TMEM229B: variants seen among roughly 807,000 people sequenced by gnomAD.
TMEM229B encodes the protein chromosome 14 open reading frame 83.
TMEM229B carries 6 observed loss-of-function variants against 13.7 expected under a neutral mutation model. The ratio of observed to expected loss-of-function variants is 0.44; its 90% confidence interval spans 0.24 to 0.86. The LOEUF is 0.86. Among genes scored for constraint, TMEM229B ranks in the 40% least tolerant of loss-of-function variants. The pLI, the probability that TMEM229B is intolerant of heterozygous loss-of-function variation, is 0.23. For missense variants in TMEM229B, 170 were observed against 236.0 expected, an observed-to-expected ratio of 0.72 and a Z score of 1.83; for synonymous variants, 107 against 102.1, an observed-to-expected ratio of 1.05 and a Z score of -0.29.
intron 2 of TMEM229B, among the ~76,000 whole-genome samples, chr14:67,475,290 T>C (rs1220129484): frequency 6.6e-6 from 1 of 152,250 alleles, no homozygotes. Context: ...CATTCATCCA[T>C]TGATGGACAC....
chr14:67,478,875 C>A (rs1326022766), intron 2 of TMEM229B, among the ~76,000 whole-genome samples: 3 of 152,096 alleles, frequency 2.0e-5, no homozygotes, highest in Admixed American at 6.6e-5. Flanking sequence ...GCACCAGCAG[C>A]CTCCTGAGGA....
upstream of TMEM229B, among the ~76,000 whole-genome samples, chr14:67,492,170 G>T (rs1013699893): frequency 1.3e-5 from 2 of 151,576 alleles, no homozygotes; most frequent in Non-Finnish European, 2.9e-5. Context: ...CAACTCCATC[G>T]CCTTGGAGGG....
intron 1 of TMEM229B, among the ~76,000 whole-genome samples, chr14:67,507,461 C>T (rs2032868376): frequency 6.6e-6 from 1 of 152,058 alleles, no homozygotes; most frequent in African/African-American, 2.4e-5. Context: ...GAAGCAGACC[C>T]TGGAGTCCCC....
intron 1 of TMEM229B, among the ~76,000 whole-genome samples, chr14:67,497,416 C>T (rs559074036): frequency 1.3e-4 from 20 of 152,050 alleles, no homozygotes; most frequent in African/African-American, 3.1e-4. Flanking sequence ...CTTCCAGTGC[C>T]GGGATGAGGA....
intron 1 of TMEM229B, among the ~76,000 whole-genome samples, chr14:67,496,303 G>A (rs2032362283): frequency 6.6e-6 from 1 of 151,086 alleles, no homozygotes; most frequent in Non-Finnish European, 1.5e-5. Context: ...ATGTTGCCCA[G>A]GCTGGTCTCA....
At chr14:67,493,284 G>A (rs750241640), upstream of TMEM229B, among the ~76,000 whole-genome samples, 15 of 152,046 alleles carry the variant, frequency 9.9e-5, no homozygotes, top group Non-Finnish European at 1.5e-4. Context: ...ACCCAAACAC[G>A]CCCAAGCATA....
rs2033027676 is a variant in TMEM229B, at chr14:67,511,573, C to T, written c.-192+3513G>A. On this transcript the variant is annotated intron_variant, in intron 1 of 2. Transcript: ENST00000357461. Reference sequence around the variant, plus strand: ...AAAGGATGGTGAAAAGCTGGATGTTCAAAAACATGAATTGTCAATGACTTT... The same window carrying T: ...AAAGGATGGTGAAAAGCTGGATGTTTAAAAACATGAATTGTCAATGACTTT... Among the ~76,000 whole-genome samples, 6 of 152,262 alleles carry T rather than the reference C, an allele frequency of 3.9e-5. No homozygotes were observed. In the South Asian group the frequency reaches 1.2e-3, roughly 32 times the overall value.
At chr14:67,514,871 C>T (rs2273598) in intron 1 of TMEM229B, among the ~76,000 whole-genome samples, 124,715 of 152,118 alleles carry the variant, frequency 0.82, 51,713 homozygotes, top group Non-Finnish European at 0.89. Flanking sequence ...GGGCGCACCA[C>T]CTATCTAATC....
At chr14:67,477,122 C>T (rs1301320797) in intron 2 of TMEM229B, among the ~76,000 whole-genome samples, 1 of 150,496 alleles carries the variant, frequency 6.6e-6, no homozygotes, top group Non-Finnish European at 1.5e-5. Context: ...GTCGCGATCG[C>T]ACCATTGCAC....
At chr14:67,476,951 C>A (rs998374984) in intron 2 of TMEM229B, among the ~76,000 whole-genome samples, 4 of 152,092 alleles carry the variant, frequency 2.6e-5, no homozygotes, top group Admixed American at 6.6e-5. Context: ...AATGATGAAA[C>A]CCTGTCTCTA....
intron 1 of TMEM229B, among the ~76,000 whole-genome samples, chr14:67,525,325 A>C (rs576357946): frequency 6.6e-6 from 1 of 152,328 alleles, no homozygotes; most frequent in South Asian, 2.1e-4. Context: ...TTAAGTAATG[A>C]ATATCTTTCC....
upstream of TMEM229B, among the ~76,000 whole-genome samples, chr14:67,491,761 A>C (rs1228145486): frequency 6.6e-6 from 1 of 152,208 alleles, no homozygotes; most frequent in Non-Finnish European, 1.5e-5. Context: ...CCCTGAGCAC[A>C]AATGGATCTG....
intron 2 of TMEM229B, among the ~76,000 whole-genome samples, chr14:67,476,556 C>G (rs2031212333): frequency 6.6e-6 from 1 of 152,066 alleles, no homozygotes; most frequent in Admixed American, 6.5e-5. Flanking sequence ...CACTGCACTC[C>G]AGCCTGGGCA....
rs757183130 is a variant in TMEM229B at position 67,508,753 on chromosome 14, C to CAAAAAAAAAAAAAAAAAAAAAAAA, written c.-192+6332_-192+6333insTTTTTTTTTTTTTTTTTTTTTTTT. Among the ~76,000 whole-genome samples, 55 of 46,618 alleles carry CAAAAAAAAAAAAAAAAAAAAAAAA rather than the reference C, an allele frequency of 1.2e-3. 2 individuals are homozygous for CAAAAAAAAAAAAAAAAAAAAAAAA. Among genetic ancestry groups the CAAAAAAAAAAAAAAAAAAAAAAAA allele is most frequent in the Non-Finnish European group, 1.7e-3 (37 of 21,276 alleles). 30.6% of individuals were successfully genotyped at this position (46,618 alleles called of 152,430 possible). A position where few individuals can be genotyped will look rare whatever the true frequency, so the allele number is the denominator to read the frequency against. On this transcript the variant is annotated intron_variant, in intron 1 of 2. Transcript: ENST00000357461. Reference sequence around the variant, plus strand: ...TGGGTGACAGAGCAAAACCTTGTCTCAAAAAAAAAAAAAAAAAACAGAAGA... The same window carrying CAAAAAAAAAAAAAAAAAAAAAAAA: ...TGGGTGACAGAGCAAAACCTTGTCTCAAAAAAAAAAAAAAAAAAAAAAAAAAAAAAAAAAAAAAAAAACAGAAGA...
rs2030874960 is a variant in TMEM229B at position 67,473,130 on chromosome 14, T to C, written c.*290A>G. ...CCTGCTGCTTCCAAAGTCAACTACA[T>C]AGTCCATCGCTGCTCAGCCACAGGC... On this transcript the variant is annotated 3_prime_UTR_variant, in exon 3 of 3. Coordinates refer to ENST00000554480, the MANE Select transcript of TMEM229B (RefSeq NM_001348543.2). This position sits in a 1 kb window ranked among gnomAD's most constrained non-coding sequence, Gnocchi z 6.5. The C allele has an allele frequency of 4.7e-6, 2 of 429,074 alleles. No homozygotes were observed. The highest frequency in any genetic ancestry group is 2.5e-5 in the South Asian group (1 of 39,356). 26.6% of individuals were successfully genotyped at this position (429,074 alleles called of 1,614,324 possible). A position where few individuals can be genotyped will look rare whatever the true frequency, so the allele number is the denominator to read the frequency against.
chr14:67,494,331 G>A (rs1371357357), intron 1 of TMEM229B, among the ~76,000 whole-genome samples: 1 of 152,234 alleles, frequency 6.6e-6, no homozygotes, highest in Non-Finnish European at 1.5e-5. Context: ...ACCAGCCTGA[G>A]AAAGGCCGAG....
chr14:67,505,554 T>G (rs1341385044), intron 1 of TMEM229B, among the ~76,000 whole-genome samples: 1 of 152,116 alleles, frequency 6.6e-6, no homozygotes, highest in Non-Finnish European at 1.5e-5. Context: ...GTGGGCCACA[T>G]GCACTAATGT....
chr14:67,500,324 A>C (rs574576035), intron 1 of TMEM229B, among the ~76,000 whole-genome samples: 12 of 152,010 alleles, frequency 7.9e-5, no homozygotes, highest in African/African-American at 2.9e-4. Flanking sequence ...AAATACAAAA[A>C]TTAGCTGGGC....
intron 2 of TMEM229B, among the ~76,000 whole-genome samples, chr14:67,476,848 GGGCACAGT>G (rs1321482479): frequency 2.0e-5 from 3 of 152,252 alleles, no homozygotes; most frequent in African/African-American, 7.2e-5. Context: ...GATAGTGGCT[GGGCACAGT>G]GGCTCACGCC....
Sources: allele counts gnomAD v4.1 joint callset (sites outside exome capture counted in the v4.1 genomes callset), GRCh38; gene constraint gnomAD v4.1.1; non-coding constraint Gnocchi (gnomAD v3.1); transcripts MANE v1.5; gene names NCBI Gene and HGNC (gene_info 2026-07-23, HGNC 2026-07-21).